Variants in UNC5C observed in about 807,000 individuals in gnomAD.
UNC5C encodes the protein unc-5 netrin receptor C.
In UNC5C, 47 loss-of-function variants were observed where a neutral mutation model predicts 99.8. That is an observed-to-expected ratio of 0.47 (90% CI 0.37 to 0.60). UNC5C has a LOEUF of 0.60. Among genes scored for constraint, UNC5C ranks in the 20% least tolerant of loss-of-function variants. The pLI, the probability that UNC5C is intolerant of heterozygous loss-of-function variation, is 0.00. For missense variants in UNC5C, 1,062 were observed against 1,165.9 expected (o/e 0.91, Z 1.30); for synonymous variants, 487 against 452.2 (o/e 1.08, Z -0.98).
intron 2 of UNC5C, among the ~76,000 whole-genome samples, chr4:95,333,688 T>A (rs895665533): frequency 9.9e-5 from 15 of 152,038 alleles, no homozygotes; most frequent in Non-Finnish European, 1.6e-4. Flanking sequence ...AACCTGCACA[T>A]TGTGCACATG....
chr4:95,248,472 C>G (rs745613593), intron 5 of UNC5C: 1 of 447,614 alleles, frequency 2.2e-6, no homozygotes, highest in Admixed American at 2.4e-5. Flanking sequence ...GTAACTTCCC[C>G]GTGGTCTCAA....
At chr4:95,260,216 A>G (rs1282990679) in intron 4 of UNC5C, among the ~76,000 whole-genome samples, 1 of 152,238 alleles carries the variant, frequency 6.6e-6, no homozygotes, top group Non-Finnish European at 1.5e-5. Flanking sequence ...TTAAAAACGA[A>G]TAATTGCCAC....
intron 1 of UNC5C, among the ~76,000 whole-genome samples, chr4:95,348,712 T>C (rs748403332): frequency 6.6e-6 from 1 of 151,354 alleles, no homozygotes; most frequent in South Asian, 2.1e-4. Flanking sequence ...CTCAACACCA[T>C]TGATCATTAC....
chr4:95,318,362 C>T (rs910195401), intron 2 of UNC5C, among the ~76,000 whole-genome samples: 1 of 152,074 alleles, frequency 6.6e-6, no homozygotes, highest in African/African-American at 2.4e-5. Context: ...CCCTGGAGCT[C>T]CCCGAGGAGG....
At chr4:95,343,169 A>T (rs1743643021) in intron 1 of UNC5C, among the ~76,000 whole-genome samples, 1 of 152,092 alleles carries the variant, frequency 6.6e-6, no homozygotes, top group South Asian at 2.1e-4. Context: ...AACATAGATG[A>T]TAGCCAGGCA....
At position 95,165,536 on chromosome 4, in the gene UNC5C, T is replaced by G. The variant is rs1295335952; in HGVS notation, c.*3698A>C. 2 of 152,160 alleles carry G rather than the reference T, an allele frequency of 1.3e-5. No individual in the cohort carries two copies. Among genetic ancestry groups the G allele is most frequent in the Non-Finnish European group, 2.9e-5 (2 of 68,034 alleles). 9.4% of individuals were successfully genotyped at this position (152,160 alleles called of 1,614,324 possible). On this transcript the variant is annotated 3_prime_UTR_variant, in exon 16 of 16. Transcript: ENST00000453304. ...CCAGTTATCAATTCTGAATCCAACT[T>G]CTATTCCTTCCAGATACATTAAGGA...
chr4:95,384,369 C>G (rs1481706597), intron 1 of UNC5C, among the ~76,000 whole-genome samples: 1 of 152,068 alleles, frequency 6.6e-6, no homozygotes, highest in African/African-American at 2.4e-5. Flanking sequence ...GCAAAGGGAA[C>G]AGATGGGCAT....
chr4:95,493,631 C>T (rs1309362743), intron 1 of UNC5C, among the ~76,000 whole-genome samples: 1 of 151,238 alleles, frequency 6.6e-6, no homozygotes, highest in African/African-American at 2.4e-5. Context: ...TTCTTTCCTT[C>T]AAATTTAAGT....
intron 1 of UNC5C, among the ~76,000 whole-genome samples, chr4:95,420,533 T>C (rs891698818): frequency 2.6e-5 from 4 of 152,194 alleles, no homozygotes; most frequent in Admixed American, 6.6e-5. Flanking sequence ...TGCTAAAATA[T>C]ATAAAATATT....
intron 1 of UNC5C, among the ~76,000 whole-genome samples, chr4:95,503,013 C>T (rs1219343162): frequency 1.3e-5 from 2 of 152,114 alleles, no homozygotes; most frequent in Non-Finnish European, 2.9e-5. Flanking sequence ...CATATCTTAA[C>T]TTCCTATTCA....
chr4:95,179,542 T>C (rs1375103154), intron 14 of UNC5C, among the ~76,000 whole-genome samples: 1 of 151,444 alleles, frequency 6.6e-6, no homozygotes, highest in Admixed American at 6.6e-5. Context: ...AGCTCAGGAG[T>C]TCGAGACCAG....
At position 95,298,213 on chromosome 4, in the gene UNC5C, G is replaced by A. The variant is rs756356676; in HGVS notation, c.490+3393C>T. ...TGTAGTCCCAGCTACCTGGGAGGCT[G>A]GGGTGGTAGAATCACCTGAGCCTGC... On this transcript the variant is annotated intron_variant, in intron 3 of 15. Transcript: ENST00000453304. Among the ~76,000 whole-genome samples the A allele has an allele frequency of 2.0e-5, 3 of 152,142 alleles. No individual in the cohort carries two copies. The South Asian group carries it at 6.2e-4, about 32-fold the overall frequency.
chr4:95,311,557 T>C (rs571574416), intron 2 of UNC5C, among the ~76,000 whole-genome samples: 10 of 152,326 alleles, frequency 6.6e-5, no homozygotes, highest in African/African-American at 2.4e-4. Flanking sequence ...TTTAATAAAA[T>C]TTAACAAAAT....
chr4:95,276,159 G>A (rs748192553), intron 4 of UNC5C, among the ~76,000 whole-genome samples: 3 of 151,986 alleles, frequency 2.0e-5, no homozygotes, highest in African/African-American at 2.4e-5. Context: ...GTTGTAATAT[G>A]TCATGTTAAG....
intron 13 of UNC5C, among the ~76,000 whole-genome samples, chr4:95,184,719 T>C (rs752646055): frequency 6.6e-6 from 1 of 152,158 alleles, no homozygotes; most frequent in Non-Finnish European, 1.5e-5. Flanking sequence ...TGTCCTTCTG[T>C]TTGTTTCTGT....
chr4:95,381,727 A>C (rs1745077356), intron 1 of UNC5C, among the ~76,000 whole-genome samples: 1 of 152,224 alleles, frequency 6.6e-6, no homozygotes, highest in African/African-American at 2.4e-5. Context: ...GATGTATTGC[A>C]TATACATTGA....
intron 1 of UNC5C, among the ~76,000 whole-genome samples, chr4:95,412,137 C>G (rs1746010052): frequency 6.6e-6 from 1 of 152,130 alleles, no homozygotes; most frequent in Non-Finnish European, 1.5e-5. Context: ...CTCCTCTCTT[C>G]CTCAACACTC....
In UNC5C at chr4:95,221,892, T is replaced by C. The variant is rs571883214; in HGVS notation, c.1109-1716A>G. The stretch of plus-strand genomic sequence containing the variant: ...CATTCATGATTTCTAGCTCAACCCA[T>C]CTGTCTTTTTTCAACCCTTTCTGTT... On this transcript the variant is annotated intron_variant, in intron 7 of 15. Transcript: ENST00000453304. 2.6e-5 allele frequency among the ~76,000 whole-genome samples: 4 copies of C among 152,328 alleles called. No homozygotes were observed. The South Asian group carries it at 8.3e-4, about 32-fold the overall frequency.
chr4:95,506,549 T>A (rs772380045), intron 1 of UNC5C, among the ~76,000 whole-genome samples: 5 of 151,976 alleles, frequency 3.3e-5, no homozygotes, highest in Non-Finnish European at 7.4e-5. Flanking sequence ...ATATATGACG[T>A]GTTACTTTAC....
Sources: allele counts gnomAD v4.1 joint callset (sites outside exome capture counted in the v4.1 genomes callset), GRCh38; gene constraint gnomAD v4.1.1; transcripts MANE v1.5; gene names NCBI Gene and HGNC (gene_info 2026-07-23, HGNC 2026-07-21).